Variants in HHIP observed in about 807,000 individuals in gnomAD.
The protein encoded by HHIP is hedgehog-interacting protein.
In HHIP, 12 loss-of-function variants were observed where a neutral mutation model predicts 74.0. That is an observed-to-expected ratio of 0.16 (90% confidence interval 0.10 to 0.26). The LOEUF (loss-of-function observed/expected upper bound fraction) is 0.26. HHIP is among the 10% of genes least tolerant of loss of function. The pLI is 1.00. For missense variants in HHIP, 788 were observed against 845.0 expected (o/e 0.93, Z 0.84); for synonymous variants, 309 against 311.6 (o/e 0.99, Z 0.09).
At position 144,725,310 on chromosome 4, in the gene HHIP, C is replaced by T. The variant is rs370508903; in HGVS notation, c.1760+6354C>T. ...TTTAAAAAATTTGTTACTTAAATGA[C>T]TTATTTTTGTCAACCGTGACAAATG... On this transcript the variant is annotated intron_variant, in intron 11 of 12. Transcript: ENST00000296575. 2.0e-5 allele frequency among the ~76,000 whole-genome samples: 3 copies of T among 152,260 alleles called. No individual in the cohort carries two copies. In the East Asian group the frequency reaches 5.8e-4, roughly 29 times the overall value.
At chr4:144,720,319 T>C (rs1319287303) in intron 11 of HHIP, among the ~76,000 whole-genome samples, 2 of 152,214 alleles carry the variant, frequency 1.3e-5, no homozygotes, top group Non-Finnish European at 2.9e-5. Context: ...AGACTCATAA[T>C]GAGGTGTACG....
Position 144,658,776 on chromosome 4 carries a change from T to A in HHIP, c.473-14T>A. On this transcript the variant is annotated splice_polypyrimidine_tract_variant and intron_variant, in intron 2 of 12. Transcript: ENST00000296575. ...ATTAGGTGCTTCTAATGAGTCTTTT[T>A]ATATTTTTTAAAGGTTTCCTTCAAA... The A allele has an allele frequency of 6.2e-7, 1 of 1,605,724 alleles. No individual in the cohort carries two copies. Among genetic ancestry groups the A allele is most frequent in the Non-Finnish European group, 8.5e-7 (1 of 1,175,626 alleles).
Position 144,707,273 on chromosome 4 carries a change from T to C in HHIP, c.1157+13T>C, listed in dbSNP as rs201050336. 1.7e-5 allele frequency: 27 copies of C among 1,581,324 alleles called. No homozygotes were observed. The highest frequency in any genetic ancestry group is 2.1e-5 in the Non-Finnish European group (25 of 1,164,374). ...TGGATGGGTTAAGGTAAAAGGCTGA[T>C]CACAGATGGGTTCCTCTCAAGGTTA... On this transcript the variant is annotated intron_variant, in intron 6 of 12. Coordinates refer to ENST00000296575, the MANE Select transcript of HHIP (RefSeq NM_022475.3).
At chr4:144,673,025 TAGC>T (rs1729084512) in intron 4 of HHIP, among the ~76,000 whole-genome samples, 1 of 152,144 alleles carries the variant, frequency 6.6e-6, no homozygotes, top group South Asian at 2.1e-4. Context: ...ACAAGATCTA[TAGC>T]AGCCATGCTG....
intron 6 of HHIP, 156 bp from the exon 7 acceptor site, chr4:144,708,012 G>T: frequency 1.4e-6 from 1 of 735,866 alleles, no homozygotes; most frequent in Non-Finnish European, 2.2e-6. Flanking sequence ...CAAAGTGCTG[G>T]GATTACAGAC....
At chr4:144,657,168 G>A (rs570153549) in intron 2 of HHIP, among the ~76,000 whole-genome samples, 69 of 152,270 alleles carry the variant, frequency 4.5e-4, no homozygotes, top group Non-Finnish European at 8.4e-4. Context: ...AGGTCAAAAT[G>A]TACTTCAAGC....
At chr4:144,723,263 G>C (rs563365650) in intron 11 of HHIP, among the ~76,000 whole-genome samples, 3 of 152,146 alleles carry the variant, frequency 2.0e-5, no homozygotes, top group African/African-American at 7.2e-5. Flanking sequence ...CAAATTCCAG[G>C]CTCGAGAGGT....
In HHIP at chr4:144,722,740, G is replaced by C. The variant is rs183037292; in HGVS notation, c.1760+3784G>C. Among the ~76,000 whole-genome samples the C allele has an allele frequency of 2.0e-5, 3 of 152,242 alleles. No homozygotes were observed. In the East Asian group the frequency reaches 5.8e-4, roughly 29 times the overall value. On this transcript the variant is annotated intron_variant, in intron 11 of 12. Transcript: ENST00000296575. ...ATGGTAGTGCATGCCTGTAATCCCAGCTATTCAGGAGGCTGAAGCAGGATA... is the reference window on the plus strand; with the variant it reads ...ATGGTAGTGCATGCCTGTAATCCCACCTATTCAGGAGGCTGAAGCAGGATA...
At chr4:144,660,429 A>T (rs1728681340) in intron 4 of HHIP, among the ~76,000 whole-genome samples, 1 of 152,212 alleles carries the variant, frequency 6.6e-6, no homozygotes, top group African/African-American at 2.4e-5. Flanking sequence ...TTTGTTTCAC[A>T]AGAGTGACAC....
chr4:144,684,073 AAAAG>A lies in HHIP; in HGVS notation c.832-22447_832-22444del, dbSNP rs550717859. On this transcript the variant is annotated intron_variant, in intron 4 of 12. Coordinates refer to ENST00000296575, the MANE Select transcript of HHIP (RefSeq NM_022475.3). ...GTGAGACTCCGTCTAAAAAAAAAAG[AAAAG>A]AAAGAAAGAATTAGGCCAGTCGCAG... Among the ~76,000 whole-genome samples the A allele has an allele frequency of 3.7e-4, 54 of 147,818 alleles. No homozygotes were observed. In the South Asian group the frequency reaches 4.0e-3, roughly 11 times the overall value.
At chr4:144,669,028 A>C (rs1401210853) in intron 4 of HHIP, among the ~76,000 whole-genome samples, 1 of 150,350 alleles carries the variant, frequency 6.7e-6, no homozygotes, top group Non-Finnish European at 1.5e-5. Flanking sequence ...ATAATATATA[A>C]TATTTATATG....
intron 11 of HHIP, among the ~76,000 whole-genome samples, chr4:144,733,018 C>T (rs1232748179): frequency 1.3e-5 from 2 of 152,064 alleles, no homozygotes; most frequent in Non-Finnish European, 2.9e-5. Flanking sequence ...GTCTCACAAA[C>T]AAAATAAGAA....
chr4:144,707,047 C>T, intron 5 of HHIP, 40 bp from the exon 6 acceptor site: 1 of 1,568,926 alleles, frequency 6.4e-7, no homozygotes, highest in Non-Finnish European at 8.8e-7. Context: ...CATCTTAAAT[C>T]TTTTAACAGT....
intron 11 of HHIP, among the ~76,000 whole-genome samples, chr4:144,725,528 C>T (rs1454014775): frequency 6.6e-6 from 1 of 152,068 alleles, no homozygotes; most frequent in Non-Finnish European, 1.5e-5. Flanking sequence ...AGATCTATTG[C>T]TTTATAAGTG....
chr4:144,735,355 A>C (rs1201121241), intron 12 of HHIP, among the ~76,000 whole-genome samples: 1 of 152,164 alleles, frequency 6.6e-6, no homozygotes, highest in Non-Finnish European at 1.5e-5. Context: ...GTGTTATTAA[A>C]TAAAACGGGA....
intron 4 of HHIP, among the ~76,000 whole-genome samples, chr4:144,669,483 A>G (rs1201856309): frequency 6.6e-6 from 1 of 152,206 alleles, no homozygotes. Flanking sequence ...ATACACCTTA[A>G]AGTTCATCTA....
chr4:144,731,583 C>A (rs1291962118), intron 11 of HHIP, among the ~76,000 whole-genome samples: 2 of 152,016 alleles, frequency 1.3e-5, no homozygotes, highest in African/African-American at 4.8e-5. Flanking sequence ...CGACACCCAG[C>A]TAATTTTTGT....
At chr4:144,693,425 A>T (rs1184064852) in intron 4 of HHIP, among the ~76,000 whole-genome samples, 2 of 152,092 alleles carry the variant, frequency 1.3e-5, no homozygotes, top group Non-Finnish European at 2.9e-5. Context: ...ATTTTCCATT[A>T]TATTAAAAAT....
chr4:144,709,389 A>G (rs1345612580), intron 7 of HHIP, among the ~76,000 whole-genome samples: 1 of 152,220 alleles, frequency 6.6e-6, no homozygotes, highest in Non-Finnish European at 1.5e-5. Context: ...GAAGTCAGGC[A>G]GCCTGAGTCA....
Sources: gnomAD v4.1 joint callset for allele counts (sites outside exome capture counted in the v4.1 genomes callset) on GRCh38, gnomAD v4.1.1 for gene constraint, MANE v1.5 for transcripts, NCBI Gene and HGNC (gene_info 2026-07-23, HGNC 2026-07-21) for gene names.